Variants in ADAMTS9 observed in about 807,000 individuals in gnomAD.
ADAMTS9 encodes A disintegrin and metalloproteinase with thrombospondin motifs 9.
Under a neutral mutation model 257.1 loss-of-function variants are expected in ADAMTS9, and 107 were observed. That is an observed-to-expected ratio of 0.42 (90% CI 0.36 to 0.49). ADAMTS9 has a LOEUF of 0.49. Ranked by LOEUF, ADAMTS9 falls within the 20% of genes least tolerant of loss-of-function variation. The pLI is 0.03. For synonymous variants in ADAMTS9, 982 were observed against 880.9 expected, an observed-to-expected ratio of 1.11 and a Z score of -2.03; for missense variants, 2,353 against 2,469.1, an observed-to-expected ratio of 0.95 and a Z score of 1.00.
chr3:64,583,017 A>G lies in ADAMTS9; in HGVS notation c.4356+11241T>C, dbSNP rs531952358. On this transcript the variant is annotated intron_variant, in intron 28 of 39. Coordinates refer to ENST00000498707, the MANE Select transcript of ADAMTS9 (RefSeq NM_182920.2). ...CTCTGTTTGAAACATAAACTTAAAA[A>G]GGAATCTCTATATATGAACTATCAG... 23 of 152,358 alleles carry G rather than the reference A, an allele frequency of 1.5e-4. No individual in the cohort carries two copies. In the East Asian group the frequency reaches 4.4e-3, roughly 29 times the overall value. The allele number at this position is 152,358 out of a possible 1,614,324, so 9.4% of individuals were successfully genotyped here.
Position 64,561,698 on chromosome 3 carries a change from G to A in ADAMTS9, c.4578C>T (p.Ile1526=), listed in dbSNP as rs979280190. The A allele has an allele frequency of 6.8e-6, 11 of 1,609,824 alleles. No individual in the cohort carries two copies. Among genetic ancestry groups the A allele is most frequent in the Non-Finnish European group, 6.8e-6 (8 of 1,177,734 alleles). Residue 1526 remains isoleucine (I), a synonymous_variant, in exon 30 of 40, where the codon ATC becomes ATT. Coordinates refer to ENST00000498707, the MANE Select transcript of ADAMTS9 (RefSeq NM_182920.2). Reference sequence around the variant, plus strand: ...TCTCTCTGGCTATTTTGTGTGTTCCGATCTGACAGCCCACATGCCTCTGCT... The same window carrying A: ...TCTCTCTGGCTATTTTGTGTGTTCCAATCTGACAGCCCACATGCCTCTGCT... The part of the protein sequence containing the change: ...GVQQRHVGCQ[I]GTHKIARETE...
At chr3:64,668,466 C>T (rs959558099) in intron 3 of ADAMTS9, among the ~76,000 whole-genome samples, 1 of 152,040 alleles carries the variant, frequency 6.6e-6, no homozygotes, top group Non-Finnish European at 1.5e-5. Flanking sequence ...CAGAGAGACC[C>T]GTGTGTAAAT....
intron 31 of ADAMTS9, among the ~76,000 whole-genome samples, chr3:64,548,054 T>C (rs918528688): frequency 6.6e-6 from 1 of 152,148 alleles, no homozygotes; most frequent in Non-Finnish European, 1.5e-5. Context: ...CAAAACAGTA[T>C]GCCACATGTG....
chr3:64,544,332 G>A (rs2083168323), intron 32 of ADAMTS9, among the ~76,000 whole-genome samples: 1 of 152,134 alleles, frequency 6.6e-6, no homozygotes, highest in Non-Finnish European at 1.5e-5. Flanking sequence ...AAAGAACAAA[G>A]CTGGAGGCAT....
chr3:64,675,068 A>G (rs116701990), intron 3 of ADAMTS9, among the ~76,000 whole-genome samples: 1 of 152,284 alleles, frequency 6.6e-6, no homozygotes, highest in Non-Finnish European at 1.5e-5. Flanking sequence ...TAATTCATAT[A>G]TGAATGCAGT....
chr3:64,675,735 C>T (rs1262712498), intron 3 of ADAMTS9, among the ~76,000 whole-genome samples: 1 of 152,178 alleles, frequency 6.6e-6, no homozygotes, highest in Non-Finnish European at 1.5e-5. Flanking sequence ...GGCTCAGACT[C>T]TCTTCTTCCT....
intron 11 of ADAMTS9, among the ~76,000 whole-genome samples, chr3:64,642,697 G>T (rs533634650): frequency 6.6e-6 from 1 of 152,236 alleles, no homozygotes. Context: ...CATTGTTGGG[G>T]TGTGAAGCCC....
chr3:64,655,361 C>T (rs1170327809), intron 6 of ADAMTS9, among the ~76,000 whole-genome samples: 1 of 152,146 alleles, frequency 6.6e-6, no homozygotes, highest in Non-Finnish European at 1.5e-5. Flanking sequence ...GGTTGTCACA[C>T]CTGAGGGGAG....
rs144123053 is a variant in ADAMTS9 at position 64,618,028 on chromosome 3, G to T, written c.2814-1858C>A. ...ACCTTATTTAGGCTTGGTTTGTGTC[G>T]GTGTATTTTTCAGTGAACGATTTTA... is the stretch of plus-strand genomic sequence containing the variant. On this transcript the variant is annotated intron_variant, in intron 19 of 39. Coordinates refer to ENST00000498707, the MANE Select transcript of ADAMTS9 (RefSeq NM_182920.2). Among the ~76,000 whole-genome samples the T allele has an allele frequency of 3.3e-5, 5 of 152,036 alleles. No individual in the cohort carries two copies. The South Asian group carries it at 8.3e-4, about 25-fold the overall frequency.
chr3:64,684,014 A>C (rs1193162384), intron 2 of ADAMTS9, among the ~76,000 whole-genome samples: 4 of 152,172 alleles, frequency 2.6e-5, no homozygotes, highest in Admixed American at 6.5e-5. Flanking sequence ...GGATTTGAGC[A>C]TGTGAAGATG....
intron 27 of ADAMTS9, among the ~76,000 whole-genome samples, chr3:64,596,578 C>G (rs1428385826): frequency 1.3e-5 from 2 of 152,138 alleles, no homozygotes; most frequent in Non-Finnish European, 2.9e-5. Flanking sequence ...CAGAGGTGAA[C>G]AAATAACTTA....
At chr3:64,621,793 T>A (rs6767872) in intron 18 of ADAMTS9, among the ~76,000 whole-genome samples, 48,548 of 139,770 alleles carry the variant, frequency 0.35, 9,454 homozygotes, top group African/African-American at 0.55. Flanking sequence ...AATAAAAAAA[T>A]AAAAAGAAAA....
chr3:64,537,034 A>G (rs2083060178), intron 37 of ADAMTS9, among the ~76,000 whole-genome samples: 2 of 152,158 alleles, frequency 1.3e-5, no homozygotes. Context: ...CTTTCTACAA[A>G]CCTTTTCCTG....
intron 27 of ADAMTS9, among the ~76,000 whole-genome samples, chr3:64,595,079 C>A (rs10663512): frequency 6.6e-6 from 1 of 151,264 alleles, no homozygotes; most frequent in African/African-American, 2.4e-5. Context: ...CCAAACCAAA[C>A]CAAAACAAAA....
chr3:64,547,937 A>G (rs2083224308), intron 31 of ADAMTS9, among the ~76,000 whole-genome samples: 1 of 152,194 alleles, frequency 6.6e-6, no homozygotes, highest in Non-Finnish European at 1.5e-5. Context: ...TTTAGGCAAC[A>G]GCATCAAATA....
At chr3:64,645,981 G>A (rs558126358) in intron 11 of ADAMTS9, among the ~76,000 whole-genome samples, 1 of 152,240 alleles carries the variant, frequency 6.6e-6, no homozygotes, top group Non-Finnish European at 1.5e-5. Flanking sequence ...AGAATTGGTT[G>A]GGTAACCATA....
chr3:64,600,175 C>G (rs2084433383), intron 26 of ADAMTS9, among the ~76,000 whole-genome samples: 1 of 150,676 alleles, frequency 6.6e-6, no homozygotes, highest in African/African-American at 2.4e-5. Context: ...GATTCCCATT[C>G]CCCAGTGTTT....
intron 3 of ADAMTS9, among the ~76,000 whole-genome samples, chr3:64,669,086 C>T (rs978353486): frequency 6.6e-6 from 1 of 152,154 alleles, no homozygotes; most frequent in Non-Finnish European, 1.5e-5. Context: ...GGTCTTCCTC[C>T]CCAGCCACAG....
rs372017581 is a variant in ADAMTS9, at chr3:64,654,557, G to T, written c.1210+15C>A. The T allele has an allele frequency of 6.2e-7, 1 of 1,613,910 alleles. No individual in the cohort carries two copies. The highest frequency in any genetic ancestry group is 8.5e-7 in the Non-Finnish European group (1 of 1,179,892). ...AAACGGTTTTAGCCATAGAAGATAC[G>T]CACAGAGAACTCACCTAAGGTATCA... On this transcript the variant is annotated intron_variant, in intron 7 of 39. Transcript: ENST00000498707.
Sources: allele counts gnomAD v4.1 joint callset (sites outside exome capture counted in the v4.1 genomes callset), GRCh38; gene constraint gnomAD v4.1.1; transcripts MANE v1.5; gene names NCBI Gene and HGNC (gene_info 2026-07-23, HGNC 2026-07-21).